FOXP1: variants seen among roughly 807,000 people sequenced by gnomAD.
The protein encoded by FOXP1 is forkhead box protein P1.
FOXP1 carries 15 observed loss-of-function variants against 98.2 expected under a neutral mutation model. That is an observed-to-expected ratio of 0.15 (90% CI 0.10 to 0.24). FOXP1 has a LOEUF of 0.24. Among genes scored for constraint, FOXP1 ranks in the 10% least tolerant of loss-of-function variants. The pLI is 1.00. For synonymous variants in FOXP1, 371 were observed against 314.5 expected (o/e 1.18, Z -1.90); for missense variants, 633 against 848.5 (o/e 0.75, Z 3.15).
intron 7 of FOXP1, among the ~76,000 whole-genome samples, chr3:71,063,196 T>C (rs1002430011): frequency 1.1e-4 from 17 of 152,252 alleles, no homozygotes; most frequent in Admixed American, 3.3e-4. Flanking sequence ...TACACACTTT[T>C]CACTGAAATG....
At chr3:71,142,401 T>C (rs574263544) in intron 6 of FOXP1, among the ~76,000 whole-genome samples, 4 of 152,322 alleles carry the variant, frequency 2.6e-5, no homozygotes, top group South Asian at 2.1e-4. Flanking sequence ...ATCAGCTGAC[T>C]TGAAGAAAGG....
Position 71,114,349 on chromosome 3 carries a change from G to C in FOXP1, c.181-1712C>G, listed in dbSNP as rs116445214. 4.5e-3 allele frequency among the ~76,000 whole-genome samples: 693 copies of C among 152,360 alleles called. 8 individuals are homozygous for C. Among genetic ancestry groups the C allele is most frequent in the African/African-American group, 0.016 (674 of 41,588 alleles). On this transcript the variant is annotated intron_variant, in intron 6 of 20. Transcript: ENST00000649528. ...AAGAAAGAGAGAACAGAGTGGTCTAGAGGATTAATGTTCATGAGCAGACAC... is the reference window on the plus strand; with the variant it reads ...AAGAAAGAGAGAACAGAGTGGTCTACAGGATTAATGTTCATGAGCAGACAC...
intron 6 of FOXP1, among the ~76,000 whole-genome samples, chr3:71,192,150 C>G (rs2063019521): frequency 6.6e-6 from 1 of 152,172 alleles, no homozygotes; most frequent in Admixed American, 6.5e-5. Context: ...AAGAGACCCT[C>G]CTTTCAGACA....
intron 4 of FOXP1, among the ~76,000 whole-genome samples, chr3:71,349,039 A>C (rs1425564790): frequency 6.6e-6 from 1 of 152,208 alleles, no homozygotes; most frequent in Non-Finnish European, 1.5e-5. Context: ...TTTCACTTCT[A>C]TAAGTAACTC....
intron 4 of FOXP1, chr3:71,333,396 A>G (rs2076464789): frequency 2.1e-5 from 2 of 95,498 alleles, no homozygotes; most frequent in African/African-American, 5.4e-5. Flanking sequence ...ATACAAAGTG[A>G]TAAAAAAAAA....
intron 4 of FOXP1, among the ~76,000 whole-genome samples, chr3:71,303,145 TC>T (rs764474773): frequency 6.6e-6 from 1 of 152,138 alleles, no homozygotes; most frequent in Non-Finnish European, 1.5e-5. Context: ...TTATAGTATT[TC>T]CCCCTTCCCT....
intron 5 of FOXP1, among the ~76,000 whole-genome samples, chr3:71,232,894 A>AAAAAAAAAAAAAAC: frequency 6.8e-6 from 1 of 147,720 alleles, no homozygotes; most frequent in Non-Finnish European, 1.5e-5. Context: ...AAAAAAAAAA[A>AAAAAAAAAAAAAAC]AAGCAAGAAA....
At chr3:71,264,206 T>C (rs2069427118) in intron 5 of FOXP1, among the ~76,000 whole-genome samples, 1 of 152,206 alleles carries the variant, frequency 6.6e-6, no homozygotes, top group Non-Finnish European at 1.5e-5. Flanking sequence ...CAATGTAGTT[T>C]GGTGGCTCCA....
rs539812467 is a variant in FOXP1 at position 71,466,303 on chromosome 3, C to T, written c.-168+27123G>A. 4.7e-4 allele frequency among the ~76,000 whole-genome samples: 72 copies of T among 152,316 alleles called. No individual in the cohort carries two copies. In the South Asian group the frequency reaches 0.015, roughly 31 times the overall value. ...GGAAAAAATCTGAACAGGCGAGCTG[C>T]TAACTTTTCTCCAGAAAACAACTTT... On this transcript the variant is annotated intron_variant, in intron 3 of 20. Transcript: ENST00000649528.
At chr3:71,192,848 C>T (rs1300091754) in intron 6 of FOXP1, among the ~76,000 whole-genome samples, 2 of 152,164 alleles carry the variant, frequency 1.3e-5, no homozygotes, top group Non-Finnish European at 2.9e-5. Context: ...CGAGGTTTTG[C>T]CATGCTGCCC....
intron 3 of FOXP1, among the ~76,000 whole-genome samples, chr3:71,420,359 G>T (rs2083542210): frequency 1.3e-5 from 2 of 152,130 alleles, no homozygotes; most frequent in South Asian, 4.1e-4. Context: ...ACTAATATTA[G>T]GGCAAGTAGC....
At chr3:71,483,083 AC>A (rs1250559826) in intron 3 of FOXP1, among the ~76,000 whole-genome samples, 1 of 151,416 alleles carries the variant, frequency 6.6e-6, no homozygotes, top group African/African-American at 2.4e-5. Flanking sequence ...CAAGCAATCC[AC>A]CCATCTGGTC....
intron 6 of FOXP1, among the ~76,000 whole-genome samples, chr3:71,116,572 C>G (rs2058389620): frequency 6.6e-6 from 1 of 152,090 alleles, no homozygotes; most frequent in Non-Finnish European, 1.5e-5. Context: ...CAATAATTCC[C>G]CAGCTTTATC....
chr3:71,380,684 T>C (rs1349710042), intron 3 of FOXP1, among the ~76,000 whole-genome samples: 2 of 149,752 alleles, frequency 1.3e-5, no homozygotes, highest in East Asian at 2.0e-4. Flanking sequence ...AGTTTGACTA[T>C]ACTCTTTTTA....
At chr3:71,196,432 C>T (rs1244203070) in intron 6 of FOXP1, among the ~76,000 whole-genome samples, 1 of 152,082 alleles carries the variant, frequency 6.6e-6, no homozygotes, top group Non-Finnish European at 1.5e-5. Context: ...TTTTGGCTGG[C>T]TTACTACTTT....
At chr3:71,534,981 G>A (rs1482204308) in intron 2 of FOXP1, among the ~76,000 whole-genome samples, 1 of 152,190 alleles carries the variant, frequency 6.6e-6, no homozygotes, top group Non-Finnish European at 1.5e-5. Context: ...ACTTGAAATT[G>A]GGAGTGTGAT....
chr3:71,105,339 T>C (rs1180060702), intron 7 of FOXP1, among the ~76,000 whole-genome samples: 4 of 152,094 alleles, frequency 2.6e-5, no homozygotes, highest in South Asian at 4.2e-4. Context: ...GGGGCTGCAA[T>C]CCAATTTGAA....
chr3:71,472,942 T>A (rs993895386), intron 3 of FOXP1, among the ~76,000 whole-genome samples: 1 of 152,198 alleles, frequency 6.6e-6, no homozygotes, highest in African/African-American at 2.4e-5. Flanking sequence ...GGGATTTTTT[T>A]AAATTTCAAC....
At chr3:71,238,467 G>C (rs1467028537) in intron 5 of FOXP1, among the ~76,000 whole-genome samples, 1 of 152,114 alleles carries the variant, frequency 6.6e-6, no homozygotes, top group Non-Finnish European at 1.5e-5. Context: ...CAAGGAAAGG[G>C]AAGATTCAAG....
Sources: gnomAD v4.1 joint callset for allele counts (sites outside exome capture counted in the v4.1 genomes callset) on GRCh38, gnomAD v4.1.1 for gene constraint, MANE v1.5 for transcripts, NCBI Gene and HGNC (gene_info 2026-07-23, HGNC 2026-07-21) for gene names.